Variants in FRY observed in about 807,000 individuals in gnomAD.
The protein encoded by FRY is protein furry homolog.
FRY carries 128 observed loss-of-function variants against 348.4 expected under a neutral mutation model. That is an observed-to-expected ratio of 0.37 (90% confidence interval 0.32 to 0.43). The LOEUF (loss-of-function observed/expected upper bound fraction) is 0.43, where lower values mean the gene tolerates loss of function less well. Ranked by LOEUF, FRY falls within the 20% of genes least tolerant of loss-of-function variation. The pLI is 1.00. For synonymous variants in FRY, 1,370 were observed against 1,374.7 expected (o/e 1.00, Z 0.08); for missense variants, 2,736 against 3,695.2 (o/e 0.74, Z 6.73).
At chr13:32,269,488 C>T (rs1390385668) in intron 55 of FRY, among the ~76,000 whole-genome samples, 4 of 152,114 alleles carry the variant, frequency 2.6e-5, no homozygotes, top group African/African-American at 9.7e-5. Context: ...GTCAGAAATT[C>T]GAGACCAGCC....
intron 14 of FRY, among the ~76,000 whole-genome samples, chr13:32,152,868 A>T (rs1480151947): frequency 6.6e-6 from 1 of 152,200 alleles, no homozygotes. Context: ...TATCTGACAA[A>T]TGACTTCCAT....
rs1325796970 is a variant in FRY, at chr13:32,272,221, A to G, written c.8137-2621A>G. ...TGTCATTTCCTCACAATGTGTGTTTACTGTTTCCCAACATTTCCCTGTAAG... is the reference window on the plus strand; with the variant it reads ...TGTCATTTCCTCACAATGTGTGTTTGCTGTTTCCCAACATTTCCCTGTAAG... On this transcript the variant is annotated intron_variant, in intron 55 of 60. Coordinates refer to ENST00000542859, the MANE Select transcript of FRY (RefSeq NM_023037.3). Among the ~76,000 whole-genome samples, 4 of 152,302 alleles carry G rather than the reference A, an allele frequency of 2.6e-5. No individual in the cohort carries two copies. In the East Asian group the frequency reaches 5.8e-4, roughly 22 times the overall value.
At chr13:32,097,491 G>A (rs1481522724) in intron 2 of FRY, among the ~76,000 whole-genome samples, 1 of 150,690 alleles carries the variant, frequency 6.6e-6, no homozygotes, top group Non-Finnish European at 1.5e-5. Context: ...CTCCCTAGTA[G>A]CTGGGATTAC....
At chr13:32,273,237 T>G (rs910240124) in intron 55 of FRY, among the ~76,000 whole-genome samples, 2 of 149,926 alleles carry the variant, frequency 1.3e-5, no homozygotes, top group Non-Finnish European at 3.0e-5. Context: ...TTTTTTTTTT[T>G]TTTTGAGACG....
intron 28 of FRY, among the ~76,000 whole-genome samples, chr13:32,191,486 A>G (rs925756373): frequency 6.6e-6 from 1 of 152,228 alleles, no homozygotes; most frequent in Non-Finnish European, 1.5e-5. Flanking sequence ...TAAGCAGTTC[A>G]CCGAAGAGGT....
intron 19 of FRY, 131 bp downstream of exon 19, chr13:32,173,680 G>C: frequency 1.3e-6 from 1 of 748,708 alleles, no homozygotes; most frequent in Non-Finnish European, 2.4e-6. Flanking sequence ...TTCATTGTTA[G>C]GTTTTAAACT....
intron 11 of FRY, among the ~76,000 whole-genome samples, chr13:32,141,097 G>A (rs1377703391): frequency 2.0e-5 from 3 of 151,866 alleles, no homozygotes; most frequent in Admixed American, 2.0e-4. Flanking sequence ...AAAAATAAAG[G>A]CACATTTCAA....
chr13:32,173,339 A>G (rs1231580530), intron 18 of FRY, 28 bp from the exon 19 acceptor site: 3 of 1,579,636 alleles, frequency 1.9e-6, no homozygotes, highest in African/African-American at 1.3e-5. Flanking sequence ...TTCGCTGAAT[A>G]CAGAATGTTG....
intron 25 of FRY, 64 bp downstream of exon 25, chr13:32,184,755 G>C: frequency 9.3e-7 from 1 of 1,079,768 alleles, no homozygotes; most frequent in Non-Finnish European, 1.4e-6. Context: ...TTTTCTTTCT[G>C]TCTCTCTCTT....
intron 2 of FRY, among the ~76,000 whole-genome samples, chr13:32,094,611 A>T (rs1876565918): frequency 6.6e-6 from 1 of 152,088 alleles, no homozygotes; most frequent in Non-Finnish European, 1.5e-5. Context: ...GAGAACATGC[A>T]ATGTTTATCT....
intron 42 of FRY, among the ~76,000 whole-genome samples, 186 bp from the exon 43 acceptor site, chr13:32,235,892 T>G (rs1886200774): frequency 6.6e-6 from 1 of 152,190 alleles, no homozygotes; most frequent in South Asian, 2.1e-4. Flanking sequence ...AAAATAAATT[T>G]GTATGATTAT....
intron 13 of FRY, among the ~76,000 whole-genome samples, chr13:32,148,611 AT>A (rs1433088500): frequency 6.6e-6 from 1 of 152,238 alleles, no homozygotes; most frequent in Non-Finnish European, 1.5e-5. Context: ...AAAGACTATT[AT>A]TCCAGTCCAG....
intron 1 of FRY, among the ~76,000 whole-genome samples, chr13:32,065,048 T>C (rs913913471): frequency 6.6e-6 from 1 of 152,192 alleles, no homozygotes; most frequent in African/African-American, 2.4e-5. Flanking sequence ...TTACAGATGG[T>C]GTTCAATTCT....
rs766282851 is a variant in FRY, at chr13:32,295,512, G to A, written c.*52G>A. 3 of 1,561,640 alleles carry A rather than the reference G, an allele frequency of 1.9e-6. No individual in the cohort carries two copies. The African/African-American group carries it at 4.0e-5, about 21-fold the overall frequency. Reference sequence around the variant, plus strand: ...CCAAACTGGCAGTGCTGCCATGCTGGGGCAACGTCATTCAGTGTCTTCTCG... The same window carrying A: ...CCAAACTGGCAGTGCTGCCATGCTGAGGCAACGTCATTCAGTGTCTTCTCG... On this transcript the variant is annotated 3_prime_UTR_variant, in exon 61 of 61. Coordinates refer to ENST00000542859, the MANE Select transcript of FRY (RefSeq NM_023037.3).
intron 2 of FRY, among the ~76,000 whole-genome samples, chr13:32,089,384 G>T (rs185145303): frequency 6.4e-4 from 98 of 152,228 alleles, no homozygotes; most frequent in Middle Eastern, 3.4e-3. Context: ...AAGGCAGGGG[G>T]GTTGGAATAT....
chr13:32,104,117 C>A (rs901483541), intron 3 of FRY, among the ~76,000 whole-genome samples: 31 of 152,110 alleles, frequency 2.0e-4, no homozygotes, highest in African/African-American at 7.5e-4. Flanking sequence ...CTGAGAAAAT[C>A]GTTCTAAATT....
At position 32,186,373 on chromosome 13, in the gene FRY, A is replaced by C; in HGVS notation, c.3433A>C (p.Ser1145Arg). 1.9e-6 allele frequency: 3 copies of C among 1,609,534 alleles called. No homozygotes were observed. Among genetic ancestry groups the C allele is most frequent in the Non-Finnish European group, 2.6e-6 (3 of 1,175,738 alleles). Residue 1145 changes from serine (S) to arginine (R), a missense_variant, in exon 27 of 61, where the codon AGT (serine) becomes CGT (arginine). By Grantham distance (110) the Ser-to-Arg change is moderately radical. Coordinates refer to ENST00000542859, the MANE Select transcript of FRY (RefSeq NM_023037.3). ...TATGTTCACTCCTCTGGATCGTTAC[A>C]GTGACAGAAATCATCAGATTACAAG... ...SIMFTPLDRY[S>R]DRNHQITRYQ...
chr13:32,112,673 C>G (rs115395714), intron 3 of FRY, among the ~76,000 whole-genome samples: 2,624 of 152,312 alleles, frequency 0.017, 68 homozygotes, highest in African/African-American at 0.059. Flanking sequence ...AGGTTTTCTT[C>G]CAGATGTTAT....
intron 17 of FRY, among the ~76,000 whole-genome samples, chr13:32,163,244 C>T (rs909800697): frequency 9.2e-5 from 14 of 152,214 alleles, no homozygotes; most frequent in African/African-American, 3.4e-4. Context: ...TCTCCAAGGC[C>T]TCATGACTGT....
Sources: allele counts gnomAD v4.1 joint callset (sites outside exome capture counted in the v4.1 genomes callset), GRCh38; gene constraint gnomAD v4.1.1; transcripts MANE v1.5; gene names NCBI Gene and HGNC (gene_info 2026-07-23, HGNC 2026-07-21).